Variants in LIFR observed in about 807,000 individuals in gnomAD.
LIFR encodes LIF receptor subunit alpha, also known as leukemia inhibitory factor receptor.
In LIFR, 84 loss-of-function variants were observed where a neutral mutation model predicts 122.2. The ratio of observed to expected loss-of-function variants is 0.69; its 90% CI spans 0.58 to 0.82. LIFR has a LOEUF of 0.82. LIFR is among the 40% of genes least tolerant of loss of function. The pLI is 0.00. For missense variants in LIFR, 1,294 were observed against 1,311.6 expected (o/e 0.99, Z 0.21); for synonymous variants, 422 against 434.7 (o/e 0.97, Z 0.36).
At chr5:38,594,078 T>C (rs1298202820) in intron 1 of LIFR, among the ~76,000 whole-genome samples, 1 of 152,078 alleles carries the variant, frequency 6.6e-6, no homozygotes, top group African/African-American at 2.4e-5. Flanking sequence ...AGGTCTTGAA[T>C]TGGGTTAGAG....
At chr5:38,592,838 A>G (rs1378985558) in intron 1 of LIFR, among the ~76,000 whole-genome samples, 1 of 152,166 alleles carries the variant, frequency 6.6e-6, no homozygotes, top group Non-Finnish European at 1.5e-5. Context: ...AATGTGACGG[A>G]CATAGTAGCT....
At chr5:38,494,886 A>G (rs1157063324) in intron 13 of LIFR, among the ~76,000 whole-genome samples, 1 of 152,242 alleles carries the variant, frequency 6.6e-6, no homozygotes. Context: ...CTGTAACAGG[A>G]GAAAGTAACT....
At chr5:38,542,746 CG>C (rs1363331904) in intron 1 of LIFR, among the ~76,000 whole-genome samples, 1 of 152,122 alleles carries the variant, frequency 6.6e-6, no homozygotes, top group Admixed American at 6.6e-5. Flanking sequence ...TCAGTGTTCC[CG>C]CACAGACAGA....
chr5:38,557,838 A>T (rs1748665752), upstream of LIFR: 1 of 152,206 alleles, frequency 6.6e-6, no homozygotes, highest in African/African-American at 2.4e-5. Flanking sequence ...GGCCAACTCC[A>T]TCCATGTGCG....
At chr5:38,521,919 G>A (rs894812844) in intron 5 of LIFR, among the ~76,000 whole-genome samples, 1 of 152,126 alleles carries the variant, frequency 6.6e-6, no homozygotes, top group African/African-American at 2.4e-5. Context: ...TCCATAGGCT[G>A]TAAGTTCTGG....
chr5:38,487,483 T>C (rs1561134170), intron 16 of LIFR, among the ~76,000 whole-genome samples: 1 of 152,222 alleles, frequency 6.6e-6, no homozygotes, highest in South Asian at 2.1e-4. Flanking sequence ...CATTAGCTGC[T>C]TGGAAAATTC....
chr5:38,588,947 TA>T (rs1286170696), intron 1 of LIFR, among the ~76,000 whole-genome samples: 1 of 152,018 alleles, frequency 6.6e-6, no homozygotes, highest in Non-Finnish European at 1.5e-5. Flanking sequence ...CAATTATGCA[TA>T]TGTTTATTGG....
intron 7 of LIFR, among the ~76,000 whole-genome samples, chr5:38,509,727 T>G (rs889987466): frequency 6.6e-6 from 1 of 152,168 alleles, no homozygotes; most frequent in Non-Finnish European, 1.5e-5. Flanking sequence ...AAGCTGTCAG[T>G]GACACCAAAA....
intron 7 of LIFR, among the ~76,000 whole-genome samples, chr5:38,507,587 T>G (rs1281904041): frequency 1.4e-5 from 2 of 142,910 alleles, no homozygotes; most frequent in Non-Finnish European, 3.1e-5. Flanking sequence ...AAAAAAGTGA[T>G]AAATTAAAAG....
At chr5:38,562,072 A>G (rs951143854) in intron 1 of LIFR, among the ~76,000 whole-genome samples, 6 of 152,162 alleles carry the variant, frequency 3.9e-5, no homozygotes, top group African/African-American at 1.4e-4. Context: ...GAAGACAGCC[A>G]GTGACAGGAG....
intron 11 of LIFR, 24 bp downstream of exon 11, chr5:38,502,613 C>A: frequency 6.3e-7 from 1 of 1,575,074 alleles, no homozygotes; most frequent in East Asian, 2.2e-5. Context: ...TAATTATTAG[C>A]CATACATCAC....
At chr5:38,605,940 C>T (rs773499529) in intron 2 of LIFR, among the ~76,000 whole-genome samples, 6 of 152,144 alleles carry the variant, frequency 3.9e-5, no homozygotes, top group South Asian at 2.1e-4. Context: ...AGATGTGCCC[C>T]GACCACCTCG....
chr5:38,548,688 A>G (rs1055307408), intron 1 of LIFR, among the ~76,000 whole-genome samples: 2 of 152,254 alleles, frequency 1.3e-5, no homozygotes, highest in Admixed American at 6.5e-5. Context: ...AAATTTATAC[A>G]GGACTATTCA....
At chr5:38,527,062 T>TA (rs1694464280) in intron 4 of LIFR, 93 bp downstream of exon 4, 1 of 1,143,436 alleles carries the variant, frequency 8.7e-7, no homozygotes, top group South Asian at 1.5e-5. Context: ...AGTAATAGCA[T>TA]AACACATGAA....
At chr5:38,581,064 A>G (rs1042496972) in intron 1 of LIFR, among the ~76,000 whole-genome samples, 2 of 152,144 alleles carry the variant, frequency 1.3e-5, no homozygotes, top group African/African-American at 2.4e-5. Flanking sequence ...TACAATGTCT[A>G]CCCCAGGGGG....
At chr5:38,598,253 T>A (rs1261260698), upstream of LIFR, among the ~76,000 whole-genome samples, 437 of 58,896 alleles carry the variant, frequency 7.4e-3, 3 homozygotes, top group African/African-American at 0.033. Flanking sequence ...TTATTTTTTT[T>A]TTTTTTCTTT....
intron 1 of LIFR, among the ~76,000 whole-genome samples, chr5:38,553,783 G>A (rs1355046231): frequency 6.7e-6 from 1 of 150,048 alleles, no homozygotes; most frequent in Admixed American, 6.6e-5. Context: ...TAATGTTCAA[G>A]CTTTATAATG....
intron 7 of LIFR, among the ~76,000 whole-genome samples, chr5:38,509,114 T>C (rs997876450): frequency 1.3e-5 from 2 of 152,210 alleles, no homozygotes; most frequent in African/African-American, 2.4e-5. Flanking sequence ...TCTATTACTA[T>C]GATAAAAGAT....
intron 1 of LIFR, among the ~76,000 whole-genome samples, chr5:38,577,348 C>T (rs891842217): frequency 6.6e-6 from 1 of 152,328 alleles, no homozygotes; most frequent in East Asian, 1.9e-4. Flanking sequence ...TGCCTACCCA[C>T]CTACTCCTTC....
Sources: allele counts gnomAD v4.1 joint callset (sites outside exome capture counted in the v4.1 genomes callset), GRCh38; gene constraint gnomAD v4.1.1; transcripts MANE v1.5; gene names NCBI Gene and HGNC (gene_info 2026-07-23, HGNC 2026-07-21).